CNTN5: variants seen among roughly 807,000 people sequenced by gnomAD.
CNTN5 encodes the protein contactin-5.
A neutral mutation model predicts 129.1 loss-of-function variants in CNTN5; 77 were observed. The ratio of observed to expected loss-of-function variants is 0.60; its 90% CI spans 0.50 to 0.72. CNTN5 has a LOEUF of 0.72. Among genes scored for constraint, CNTN5 ranks in the 30% least tolerant of loss-of-function variants. CNTN5 has a pLI of 0.00. For synonymous variants in CNTN5, 509 were observed against 465.6 expected, an observed-to-expected ratio of 1.09 and a Z score of -1.20; for missense variants, 1,478 against 1,328.8, an observed-to-expected ratio of 1.11 and a Z score of -1.75.
rs563524477 is a variant in CNTN5, at chr11:99,575,905, G to A, written c.55+19636G>A. ...TGTCTTAGAACTAAGCAGCATGGCA[G>A]ATTAGAAGGAACTTCCAAAGAACCA... On this transcript the variant is annotated intron_variant, in intron 3 of 24. Transcript: ENST00000524871. Among the ~76,000 whole-genome samples, 9 of 152,270 alleles carry A rather than the reference G, an allele frequency of 5.9e-5. No homozygotes were observed. The South Asian group carries it at 1.4e-3, about 25-fold the overall frequency.
intron 1 of CNTN5, among the ~76,000 whole-genome samples, chr11:99,251,860 C>T (rs921301269): frequency 2.0e-5 from 3 of 151,876 alleles, no homozygotes; most frequent in African/African-American, 4.8e-5. Context: ...TGTGTCCTGT[C>T]GTGAGGAAAA....
At position 100,161,830 on chromosome 11, in the gene CNTN5, T is replaced by TACACATACACACACACACACAC. The variant is rs59930760; in HGVS notation, c.1581-29291_1581-29290insTACACACACACACACACACACA. On this transcript the variant is annotated intron_variant, in intron 13 of 24. Coordinates refer to ENST00000524871, the MANE Select transcript of CNTN5 (RefSeq NM_014361.4). ...TCTCAAGGATAGCCCTGGAGCTTCCTACACACACACACACACACACACACA... is the reference window on the plus strand; with the variant it reads ...TCTCAAGGATAGCCCTGGAGCTTCCTACACATACACACACACACACACACACACACACACACACACACACACA... Among the ~76,000 whole-genome samples, 613 of 125,832 alleles carry TACACATACACACACACACACAC rather than the reference T, an allele frequency of 4.9e-3. 16 individuals carry two copies. Among genetic ancestry groups the TACACATACACACACACACACAC allele is most frequent in the African/African-American group, 0.02 (582 of 29,606 alleles). 82.6% of individuals were successfully genotyped at this position (125,832 alleles called of 152,430 possible). A position where few individuals can be genotyped will look rare whatever the true frequency, so the allele number is the denominator to read the frequency against.
intron 3 of CNTN5, among the ~76,000 whole-genome samples, chr11:99,797,760 G>A (rs927506631): frequency 3.3e-5 from 5 of 152,176 alleles, no homozygotes; most frequent in Admixed American, 2.6e-4. Flanking sequence ...TTGCTGTGAA[G>A]AATCGCTTTA....
intron 1 of CNTN5, among the ~76,000 whole-genome samples, chr11:99,273,789 A>G (rs1448200562): frequency 6.6e-6 from 1 of 151,578 alleles, no homozygotes; most frequent in Non-Finnish European, 1.5e-5. Flanking sequence ...AAATCTGATT[A>G]TACTTATGAT....
chr11:99,601,191 T>G (rs1950300934), intron 3 of CNTN5, among the ~76,000 whole-genome samples: 1 of 152,224 alleles, frequency 6.6e-6, no homozygotes, highest in Non-Finnish European at 1.5e-5. Context: ...ACAACAAATG[T>G]GACTTTATTT....
intron 2 of CNTN5, among the ~76,000 whole-genome samples, chr11:99,411,188 C>A (rs1942373475): frequency 1.3e-5 from 2 of 152,030 alleles, no homozygotes; most frequent in Non-Finnish European, 2.9e-5. Context: ...GTTGAAATTT[C>A]CACAATATAT....
intron 1 of CNTN5, among the ~76,000 whole-genome samples, chr11:99,225,445 C>A (rs1448562284): frequency 6.6e-6 from 1 of 152,070 alleles, no homozygotes; most frequent in African/African-American, 2.4e-5. Flanking sequence ...ATTTTTCACG[C>A]AGCAGAACCA....
intron 1 of CNTN5, among the ~76,000 whole-genome samples, chr11:99,124,608 A>G (rs1275651709): frequency 1.3e-5 from 2 of 152,106 alleles, no homozygotes; most frequent in Admixed American, 1.3e-4. Flanking sequence ...ACAAGAAATA[A>G]CCAAAATCAG....
chr11:99,503,820 C>T (rs942646636), intron 2 of CNTN5, among the ~76,000 whole-genome samples: 2 of 151,958 alleles, frequency 1.3e-5, no homozygotes, highest in African/African-American at 2.4e-5. Flanking sequence ...TACCTCATTT[C>T]TCCTTTCTGT....
chr11:99,566,008 A>G (rs537972268), intron 3 of CNTN5, among the ~76,000 whole-genome samples: 1 of 152,270 alleles, frequency 6.6e-6, no homozygotes, highest in African/African-American at 2.4e-5. Context: ...ATTATCTGAA[A>G]TTGTTTTGGC....
At chr11:99,051,368 C>T (rs1864419431) in intron 1 of CNTN5, among the ~76,000 whole-genome samples, 2 of 151,854 alleles carry the variant, frequency 1.3e-5, no homozygotes, top group South Asian at 4.1e-4. Context: ...CCTTTGAGAC[C>T]TGCTTAATTT....
rs11220444 is a variant in CNTN5 at position 99,556,011 on chromosome 11, T to G, written c.-70-134T>G. On this transcript the variant is annotated intron_variant, in intron 2 of 24. Coordinates refer to ENST00000524871, the MANE Select transcript of CNTN5 (RefSeq NM_014361.4). ...CAGAAACTGTATTATTGCTGTCTAG[T>G]GCATATTAATCTGACCTTTGCACTA... The G allele has an allele frequency of 0.064, 26,143 of 406,762 alleles. 1,025 individuals carry two copies. The highest frequency in any genetic ancestry group is 0.077 in the Middle Eastern group (126 of 1,636). 25.2% of individuals were successfully genotyped at this position (406,762 alleles called of 1,614,324 possible).
chr11:99,890,700 G>C (rs1392220339), intron 6 of CNTN5, among the ~76,000 whole-genome samples: 2 of 152,092 alleles, frequency 1.3e-5, no homozygotes, highest in Non-Finnish European at 2.9e-5. Flanking sequence ...ACCACCCACT[G>C]CTTAAGTGTG....
At chr11:99,583,408 G>T (rs1233000874) in intron 3 of CNTN5, among the ~76,000 whole-genome samples, 1 of 152,188 alleles carries the variant, frequency 6.6e-6, no homozygotes, top group Non-Finnish European at 1.5e-5. Context: ...GTTTGTCTGT[G>T]CCCTACCCCC....
intron 18 of CNTN5, among the ~76,000 whole-genome samples, chr11:100,276,580 A>T (rs1950518877): frequency 6.6e-6 from 1 of 151,580 alleles, no homozygotes; most frequent in Non-Finnish European, 1.5e-5. Context: ...ATAGTCAGCA[A>T]AGCTAAGATA....
intron 2 of CNTN5, among the ~76,000 whole-genome samples, chr11:99,350,863 G>A (rs1421827063): frequency 6.6e-6 from 1 of 152,030 alleles, no homozygotes; most frequent in Non-Finnish European, 1.5e-5. Flanking sequence ...GGGAACTAAA[G>A]TGCTTTGAAA....
chr11:99,896,832 A>G lies in CNTN5; in HGVS notation c.578-19222A>G, dbSNP rs148418801. Reference sequence around the variant, plus strand: ...CCAGCTGAGGGTTCCTGCTCTTCCAATGAAGGGCCCACGTCACAGCTGCCC... The same window carrying G: ...CCAGCTGAGGGTTCCTGCTCTTCCAGTGAAGGGCCCACGTCACAGCTGCCC... On this transcript the variant is annotated intron_variant, in intron 6 of 24. Coordinates refer to ENST00000524871, the MANE Select transcript of CNTN5 (RefSeq NM_014361.4). Among the ~76,000 whole-genome samples the G allele has an allele frequency of 5.0e-3, 759 of 152,146 alleles. 8 individuals carry two copies. The highest frequency in any genetic ancestry group is 0.017 in the African/African-American group (686 of 41,496).
At chr11:99,770,532 C>T (rs1356046653) in intron 3 of CNTN5, among the ~76,000 whole-genome samples, 1 of 151,998 alleles carries the variant, frequency 6.6e-6, no homozygotes, top group Non-Finnish European at 1.5e-5. Context: ...CTGTTTTTCT[C>T]AATTGCTTAA....
chr11:99,583,789 T>C (rs1949699354), intron 3 of CNTN5, among the ~76,000 whole-genome samples: 1 of 152,138 alleles, frequency 6.6e-6, no homozygotes, highest in Admixed American at 6.5e-5. Flanking sequence ...AGGGGATGCC[T>C]CACCCTGCTT....
Sources: allele counts gnomAD v4.1 joint callset (sites outside exome capture counted in the v4.1 genomes callset), GRCh38; gene constraint gnomAD v4.1.1; transcripts MANE v1.5; gene names NCBI Gene and HGNC (gene_info 2026-07-23, HGNC 2026-07-21).